Variants in AKNAD1 observed in about 807,000 individuals in gnomAD.
The protein encoded by AKNAD1 is protein AKNAD1.
AKNAD1 carries 67 observed loss-of-function variants against 90.8 expected under a neutral mutation model. The observed-to-expected ratio is 0.74, with a 90% CI of 0.61 to 0.90. The LOEUF (loss-of-function observed/expected upper bound fraction) is 0.90. AKNAD1 is among the 40% of genes least tolerant of loss of function. The pLI is 0.00. For synonymous variants in AKNAD1, 327 were observed against 341.4 expected (o/e 0.96, Z 0.46); for missense variants, 957 against 975.4 (o/e 0.98, Z 0.25).
chr1:108,855,490 TA>T (rs71069608), intron 1 of AKNAD1, among the ~76,000 whole-genome samples: 33 of 138,288 alleles, frequency 2.4e-4, no homozygotes, highest in Admixed American at 2.9e-4. Flanking sequence ...TATTTGAAGG[TA>T]AAAAAAAAAA....
intron 11 of AKNAD1, among the ~76,000 whole-genome samples, chr1:108,825,381 T>A (rs146713389): frequency 1.2e-4 from 18 of 151,858 alleles, no homozygotes; most frequent in African/African-American, 4.1e-4. Context: ...AGTCACTTAA[T>A]TTCTCTGAGC....
At chr1:108,849,690 G>T in intron 2 of AKNAD1, 114 bp from the exon 3 acceptor site, 2 of 736,458 alleles carry the variant, frequency 2.7e-6, no homozygotes, top group Non-Finnish European at 4.7e-6. Flanking sequence ...TTGCAGTCAA[G>T]AGCCGGAGCC....
intron 1 of AKNAD1, among the ~76,000 whole-genome samples, chr1:108,854,379 G>A (rs527749518): frequency 1.3e-5 from 2 of 152,260 alleles, no homozygotes; most frequent in East Asian, 3.9e-4. Flanking sequence ...TGATTATGTT[G>A]GGTGAGCAGA....
At chr1:108,850,231 C>G (rs11583007) in intron 2 of AKNAD1, among the ~76,000 whole-genome samples, 1 of 152,148 alleles carries the variant, frequency 6.6e-6, no homozygotes, top group Non-Finnish European at 1.5e-5. Flanking sequence ...TGCTGGAGAG[C>G]TGGTCAAAAT....
At chr1:108,827,132 G>T in intron 11 of AKNAD1, 73 bp downstream of exon 11, 1 of 1,055,502 alleles carries the variant, frequency 9.5e-7, no homozygotes, top group Non-Finnish European at 1.5e-6. Context: ...TGGCAAGCTG[G>T]TGCCTACTGC....
intron 5 of AKNAD1, among the ~76,000 whole-genome samples, chr1:108,846,187 G>A (rs999848893): frequency 1.3e-5 from 2 of 152,088 alleles, no homozygotes; most frequent in African/African-American, 4.8e-5. Flanking sequence ...GCGGTTGCTT[G>A]TAGCCCTGTC....
At position 108,840,510 on chromosome 1, in the gene AKNAD1, C is replaced by T. The variant is rs544262586; in HGVS notation, c.1379+2624G>A. ...AATCCTCATGAAATTTTATTAAGAA[C>T]CTTGGTGAGCTGATTATAAAGTTTA... is the stretch of plus-strand genomic sequence containing the variant. On this transcript the variant is annotated intron_variant, in intron 6 of 15. Coordinates refer to ENST00000370001, the MANE Select transcript of AKNAD1 (RefSeq NM_152763.5). 1.4e-4 allele frequency among the ~76,000 whole-genome samples: 22 copies of T among 152,154 alleles called. No individual in the cohort carries two copies. In the East Asian group the frequency reaches 4.1e-3, roughly 28 times the overall value.
Position 108,852,700 on chromosome 1 carries a change from C to A in AKNAD1, c.-36G>T. On this transcript the variant is annotated 5_prime_UTR_variant, in exon 2 of 16. The change creates a new upstream start codon in the 5' untranslated region. Transcript: ENST00000370001. ...CCCGATCGCTCTCGTCCTCTGCCTC[C>A]TGAGCTGGCTGCTGTCAGTTGTAAC... 6.6e-7 allele frequency: 1 copy of A among 1,525,142 alleles called. No homozygotes were observed. The highest frequency in any genetic ancestry group is 2.3e-5 in the East Asian group (1 of 44,356). The allele number at this position is 1,525,142 out of a possible 1,614,324, so 94.5% of individuals were successfully genotyped here.
intron 6 of AKNAD1, among the ~76,000 whole-genome samples, chr1:108,841,078 C>G (rs1023297387): frequency 3.3e-5 from 5 of 152,176 alleles, no homozygotes; most frequent in African/African-American, 1.2e-4. Context: ...GAGGCTAAGG[C>G]AGGAGAATCG....
intron 10 of AKNAD1, among the ~76,000 whole-genome samples, chr1:108,830,127 T>C (rs1251948970): frequency 6.6e-6 from 1 of 152,004 alleles, no homozygotes; most frequent in Non-Finnish European, 1.5e-5. Context: ...AGAGTAGGGA[T>C]GGTGGGAGCT....
intron 6 of AKNAD1, among the ~76,000 whole-genome samples, chr1:108,839,792 G>T (rs1664484630): frequency 6.6e-6 from 1 of 152,114 alleles, no homozygotes; most frequent in East Asian, 1.9e-4. Flanking sequence ...ACCACAGTGT[G>T]GGAGTATCAC....
At chr1:108,833,122 T>C (rs1350905929) in intron 9 of AKNAD1, among the ~76,000 whole-genome samples, 1 of 151,506 alleles carries the variant, frequency 6.6e-6, no homozygotes, top group East Asian at 1.9e-4. Flanking sequence ...TATAATGAAA[T>C]ATAGTACAGT....
At chr1:108,820,893 A>C (rs1167527289) in intron 13 of AKNAD1, among the ~76,000 whole-genome samples, 1 of 151,938 alleles carries the variant, frequency 6.6e-6, no homozygotes, top group East Asian at 1.9e-4. Flanking sequence ...CAAAAAAAAA[A>C]TTCATAAACC....
intron 6 of AKNAD1, among the ~76,000 whole-genome samples, chr1:108,840,035 T>G (rs1664496802): frequency 7.0e-6 from 1 of 143,214 alleles, no homozygotes; most frequent in African/African-American, 2.6e-5. Flanking sequence ...AAAAAAAAAA[T>G]GCTGTCTTTC....
intron 7 of AKNAD1, among the ~76,000 whole-genome samples, chr1:108,836,503 G>GT (rs1047456195): frequency 2.0e-5 from 3 of 152,284 alleles, no homozygotes; most frequent in Admixed American, 1.3e-4. Context: ...GGTGAGGAGG[G>GT]TGGCTGACTA....
intron 6 of AKNAD1, among the ~76,000 whole-genome samples, chr1:108,842,933 A>G (rs1664594696): frequency 6.6e-6 from 1 of 152,136 alleles, no homozygotes; most frequent in Non-Finnish European, 1.5e-5. Context: ...ATCTGAGTCA[A>G]TGTCCAGCAC....
intron 7 of AKNAD1, among the ~76,000 whole-genome samples, chr1:108,836,308 G>T (rs6663188): frequency 2.6e-5 from 4 of 152,172 alleles, no homozygotes; most frequent in African/African-American, 7.2e-5. Flanking sequence ...CCTTGAGATG[G>T]GCTGTTACAT....
chr1:108,836,888 G>A (rs1664401632), intron 7 of AKNAD1: 1 of 152,218 alleles, frequency 6.6e-6, no homozygotes, highest in South Asian at 2.1e-4. Flanking sequence ...AATTTAACTT[G>A]AGAGAAGGAA....
intron 11 of AKNAD1, among the ~76,000 whole-genome samples, chr1:108,825,739 G>C (rs964262854): frequency 7.4e-6 from 1 of 135,524 alleles, no homozygotes; most frequent in Non-Finnish European, 1.6e-5. Context: ...AAAACTAAAT[G>C]AGCAGTTCCA....
Sources: gnomAD v4.1 joint callset for allele counts (sites outside exome capture counted in the v4.1 genomes callset) on GRCh38, gnomAD v4.1.1 for gene constraint, MANE v1.5 for transcripts, NCBI Gene and HGNC (gene_info 2026-07-23, HGNC 2026-07-21) for gene names.